OLA1: variants seen among roughly 807,000 people sequenced by gnomAD.
OLA1 encodes the protein Obg like ATPase 1.
A neutral mutation model predicts 48.4 loss-of-function variants in OLA1; 14 were observed. The observed-to-expected ratio is 0.29, with a 90% CI of 0.19 to 0.45. The LOEUF (loss-of-function observed/expected upper bound fraction) is 0.45, where lower values mean the gene tolerates loss of function less well. Ranked by LOEUF, OLA1 falls within the 20% of genes least tolerant of loss-of-function variation. OLA1 has a pLI of 1.00. For synonymous variants in OLA1, 127 were observed against 150.4 expected (o/e 0.84, Z 1.14); for missense variants, 325 against 467.1 (o/e 0.70, Z 2.80).
rs567977852 is a variant in OLA1 at position 174,229,128 on chromosome 2, C to T, written c.245+180G>A. ...TAACCTTGTGATCTGCCCTCCTGGG[C>T]CTCCCAAAGTGCTGAGATTACAGGT... On this transcript the variant is annotated intron_variant, in intron 3 of 10. Coordinates refer to ENST00000284719, the MANE Select transcript of OLA1 (RefSeq NM_013341.5). Among the ~76,000 whole-genome samples the T allele has an allele frequency of 3.9e-5, 6 of 152,328 alleles. No homozygotes were observed. The East Asian group carries it at 1.2e-3, about 29-fold the overall frequency.
At position 174,093,234 on chromosome 2, in the gene OLA1, C is replaced by A. The variant is rs969507586; in HGVS notation, c.729-11170G>T. 4.6e-5 allele frequency among the ~76,000 whole-genome samples: 7 copies of A among 152,026 alleles called. No homozygotes were observed. The East Asian group carries it at 1.3e-3, about 29-fold the overall frequency. On this transcript the variant is annotated intron_variant, in intron 7 of 10. Coordinates refer to ENST00000284719, the MANE Select transcript of OLA1 (RefSeq NM_013341.5). ...GGATTTGGTGGGAAGATGGCTTGGG[C>A]CCAGGAATTCAAGAATAGCCTGAGC...
intron 4 of OLA1, among the ~76,000 whole-genome samples, chr2:174,185,959 A>G (rs1687648843): frequency 6.6e-6 from 1 of 152,160 alleles, no homozygotes; most frequent in East Asian, 1.9e-4. Context: ...TTTTTCACAT[A>G]TAAACAGCAA....
At position 174,075,182 on chromosome 2, in the gene OLA1, TCTAC is replaced by T. The variant is rs1684700635; in HGVS notation, c.*240_*243del. 7.5e-6 allele frequency: 3 copies of T among 399,376 alleles called. No homozygotes were observed. 24.7% of individuals were successfully genotyped at this position (399,376 alleles called of 1,614,324 possible). A position where few individuals can be genotyped will look rare whatever the true frequency, so the allele number is the denominator to read the frequency against. On this transcript the variant is annotated 3_prime_UTR_variant, in exon 11 of 11. Coordinates refer to ENST00000284719, the MANE Select transcript of OLA1 (RefSeq NM_013341.5). Reference sequence around the variant, plus strand: ...AGAGTAATATGGTTCCTGAAAAGCTTCTACAATTTGGAGTAGGGTCTTAATCACG... The same window carrying T: ...AGAGTAATATGGTTCCTGAAAAGCTTAATTTGGAGTAGGGTCTTAATCACG...
At chr2:174,218,226 T>C (rs1688410866) in intron 4 of OLA1, among the ~76,000 whole-genome samples, 1 of 152,186 alleles carries the variant, frequency 6.6e-6, no homozygotes, top group African/African-American at 2.4e-5. Context: ...AATATTTTTT[T>C]GGAAAAGTAT....
At chr2:174,096,263 G>A (rs1232214488) in intron 7 of OLA1, among the ~76,000 whole-genome samples, 1 of 152,176 alleles carries the variant, frequency 6.6e-6, no homozygotes, top group Non-Finnish European at 1.5e-5. Context: ...GGTTACCAGG[G>A]ATTAGGTTGG....
chr2:174,141,690 T>TA (rs963832505), intron 5 of OLA1, 135 bp downstream of exon 5: 1 of 673,138 alleles, frequency 1.5e-6, no homozygotes, highest in Non-Finnish European at 2.3e-6. Flanking sequence ...TCCTTAACAA[T>TA]TTTTTTTAAC....
intron 10 of OLA1, among the ~76,000 whole-genome samples, chr2:174,077,261 A>T (rs1028546352): frequency 2.6e-5 from 4 of 152,218 alleles, no homozygotes; most frequent in Non-Finnish European, 4.4e-5. Flanking sequence ...AGAGCTATTC[A>T]GTATATAGTT....
chr2:174,210,669 T>C (rs1390013238), intron 4 of OLA1, among the ~76,000 whole-genome samples: 3 of 152,188 alleles, frequency 2.0e-5, no homozygotes, highest in Non-Finnish European at 4.4e-5. Flanking sequence ...TATAAGGGAA[T>C]GCTTTTTGCT....
At chr2:174,146,626 CAA>C (rs1231367395) in intron 4 of OLA1, among the ~76,000 whole-genome samples, 1 of 152,068 alleles carries the variant, frequency 6.6e-6, no homozygotes, top group Non-Finnish European at 1.5e-5. Context: ...AAGAACTTGG[CAA>C]GAGACTGAGA....
At chr2:174,152,690 G>C (rs7424665) in intron 4 of OLA1, among the ~76,000 whole-genome samples, 38,382 of 151,990 alleles carry the variant, frequency 0.25, 6,813 homozygotes, top group East Asian at 0.71. Context: ...GAAATAATTG[G>C]TCTAGTAATG....
chr2:174,144,937 A>ATATATAT (rs1686545686), intron 4 of OLA1, among the ~76,000 whole-genome samples: 1 of 52,374 alleles, frequency 1.9e-5, no homozygotes, highest in South Asian at 9.6e-4. Context: ...GTTTAAAAAA[A>ATATATAT]AAAAAAAAAA....
intron 7 of OLA1, among the ~76,000 whole-genome samples, chr2:174,096,609 A>G (rs942863456): frequency 2.0e-4 from 30 of 152,152 alleles, no homozygotes; most frequent in African/African-American, 7.2e-4. Flanking sequence ...TTACAGCTCA[A>G]TTACATACTA....
chr2:174,127,317 C>T (rs1686067668), intron 5 of OLA1, among the ~76,000 whole-genome samples: 1 of 152,148 alleles, frequency 6.6e-6, no homozygotes, highest in Admixed American at 6.5e-5. Context: ...GCCTAGACAT[C>T]CCCCAAGGTT....
At chr2:174,244,010 G>A (rs915946687) in intron 2 of OLA1, among the ~76,000 whole-genome samples, 2 of 152,212 alleles carry the variant, frequency 1.3e-5, no homozygotes, top group Admixed American at 1.3e-4. Context: ...AATTACAGGA[G>A]AGACAGGAAA....
At chr2:174,178,967 T>C (rs1221345063) in intron 4 of OLA1, among the ~76,000 whole-genome samples, 1 of 151,936 alleles carries the variant, frequency 6.6e-6, no homozygotes, top group African/African-American at 2.4e-5. Flanking sequence ...CCATATCTTA[T>C]CCATTTCTTA....
chr2:174,160,868 A>T (rs1686993764), intron 4 of OLA1, among the ~76,000 whole-genome samples: 1 of 152,208 alleles, frequency 6.6e-6, no homozygotes, highest in South Asian at 2.1e-4. Context: ...GGGATGTGGA[A>T]ATCTGAAAAT....
intron 7 of OLA1, among the ~76,000 whole-genome samples, chr2:174,116,105 C>A (rs7573263): frequency 6.6e-6 from 1 of 151,980 alleles, no homozygotes; most frequent in Non-Finnish European, 1.5e-5. Context: ...GTTTTTTTTA[C>A]CAAGTTTTGC....
intron 4 of OLA1, among the ~76,000 whole-genome samples, chr2:174,145,011 CAGAA>C (rs1686560896): frequency 7.9e-6 from 1 of 127,262 alleles, no homozygotes; most frequent in African/African-American, 3.0e-5. Context: ...TCCGTGAACT[CAGAA>C]AGGTTTGCTG....
At chr2:174,170,029 A>G (rs1342380133) in intron 4 of OLA1, among the ~76,000 whole-genome samples, 2 of 152,174 alleles carry the variant, frequency 1.3e-5, no homozygotes, top group Non-Finnish European at 1.5e-5. Flanking sequence ...AAGTGATACA[A>G]TATAAACTGT....
Sources: gnomAD v4.1 joint callset for allele counts (sites outside exome capture counted in the v4.1 genomes callset) on GRCh38, gnomAD v4.1.1 for gene constraint, MANE v1.5 for transcripts, NCBI Gene and HGNC (gene_info 2026-07-23, HGNC 2026-07-21) for gene names.